Variants in USP32 observed in about 807,000 individuals in gnomAD.
The protein encoded by USP32 is ubiquitin carboxyl-terminal hydrolase 32.
USP32 carries 59 observed loss-of-function variants against 204.8 expected under a neutral mutation model. The observed-to-expected ratio is 0.29, with a 90% confidence interval of 0.23 to 0.36. The LOEUF (loss-of-function observed/expected upper bound fraction) is 0.36. Ranked by LOEUF, USP32 falls within the 10% of genes least tolerant of loss-of-function variation. The probability of loss-of-function intolerance (pLI) is 1.00; values close to 1 mark genes in which losing one functional copy is unlikely to be tolerated. For missense variants in USP32, 1,160 were observed against 1,946.4 expected (o/e 0.60, Z 7.60); for synonymous variants, 517 against 678.4 (o/e 0.76, Z 3.70).
chr17:60,307,077 G>A (rs2087743023), intron 2 of USP32, among the ~76,000 whole-genome samples: 1 of 151,606 alleles, frequency 6.6e-6, no homozygotes, highest in Non-Finnish European at 1.5e-5. Context: ...TTCATGGATT[G>A]GAATAATTAA....
chr17:60,242,435 CAG>C (rs1435525820), intron 11 of USP32, among the ~76,000 whole-genome samples: 7 of 151,830 alleles, frequency 4.6e-5, no homozygotes, highest in Non-Finnish European at 1.0e-4. Context: ...TTTTTTCAGG[CAG>C]AGTCTCACCG....
intron 3 of USP32, among the ~76,000 whole-genome samples, chr17:60,298,836 T>C (rs2087502335): frequency 6.6e-6 from 1 of 152,180 alleles, no homozygotes; most frequent in African/African-American, 2.4e-5. Context: ...CATATACAAA[T>C]GTGTAACTAA....
At chr17:60,326,511 C>G (rs2088243250) in intron 2 of USP32, among the ~76,000 whole-genome samples, 1 of 152,084 alleles carries the variant, frequency 6.6e-6, no homozygotes, top group Non-Finnish European at 1.5e-5. Context: ...GTTGGCCAGG[C>G]TGGTCTTGAA....
chr17:60,374,751 A>G (rs1172614878), intron 1 of USP32, among the ~76,000 whole-genome samples: 1 of 152,224 alleles, frequency 6.6e-6, no homozygotes, highest in Non-Finnish European at 1.5e-5. Context: ...ACTACATAAA[A>G]AAAGCAAAAA....
At chr17:60,196,092 C>A (rs567528302) in intron 27 of USP32, among the ~76,000 whole-genome samples, 1 of 152,150 alleles carries the variant, frequency 6.6e-6, no homozygotes, top group East Asian at 1.9e-4. Context: ...CATGGTGAAA[C>A]CCTGTCTCTA....
chr17:60,224,356 G>A (rs1567781246), intron 13 of USP32, among the ~76,000 whole-genome samples: 1 of 152,198 alleles, frequency 6.6e-6, no homozygotes, highest in Non-Finnish European at 1.5e-5. Context: ...GCACTTCTAG[G>A]ACTGCTAAGT....
At chr17:60,377,933 A>C (rs1309940970) in intron 1 of USP32, among the ~76,000 whole-genome samples, 2 of 152,172 alleles carry the variant, frequency 1.3e-5, no homozygotes, top group Non-Finnish European at 2.9e-5. Flanking sequence ...AAAATTAAAA[A>C]CTTTTGGGCA....
intron 26 of USP32, among the ~76,000 whole-genome samples, chr17:60,201,231 A>C (rs1429909255): frequency 1.3e-5 from 2 of 152,170 alleles, no homozygotes; most frequent in Non-Finnish European, 2.9e-5. Context: ...TATAACTACA[A>C]ATCCATTCAT....
chr17:60,326,393 C>T (rs1286415378), intron 2 of USP32, among the ~76,000 whole-genome samples: 1 of 151,988 alleles, frequency 6.6e-6, no homozygotes, highest in Non-Finnish European at 1.5e-5. Flanking sequence ...TCACTGCAAC[C>T]TCCGCCTCCT....
intron 27 of USP32, among the ~76,000 whole-genome samples, chr17:60,196,546 C>A (rs374976239): frequency 6.6e-6 from 1 of 151,974 alleles, no homozygotes; most frequent in Non-Finnish European, 1.5e-5. Context: ...TTATTTTGGC[C>A]GGGCACGATG....
At chr17:60,416,867 G>GCA (rs1319279653) in intron 1 of USP32, among the ~76,000 whole-genome samples, 10 of 151,188 alleles carry the variant, frequency 6.6e-5, no homozygotes, top group Admixed American at 2.6e-4. Flanking sequence ...ACACACACAT[G>GCA]CACACACACA....
chr17:60,209,207 G>A (rs1364116767), intron 22 of USP32, among the ~76,000 whole-genome samples, 163 bp downstream of exon 22: 1 of 151,980 alleles, frequency 6.6e-6, no homozygotes, highest in Non-Finnish European at 1.5e-5. Context: ...TTTTTGTTTT[G>A]GCATTATTGC....
In USP32 at chr17:60,236,693, T is replaced by G. The variant is rs555951155; in HGVS notation, c.1137-453A>C. Among the ~76,000 whole-genome samples the G allele has an allele frequency of 1.6e-4, 24 of 152,328 alleles. No individual in the cohort carries two copies. In the South Asian group the frequency reaches 4.6e-3, roughly 29 times the overall value. ...CAACACCACAATCAGTTTGAGAACA[T>G]TTAAAACATTTCAATTAATCCAAAA... On this transcript the variant is annotated intron_variant, in intron 11 of 33. Transcript: ENST00000300896.
intron 12 of USP32, among the ~76,000 whole-genome samples, chr17:60,233,649 G>A (rs1386854528): frequency 6.6e-6 from 1 of 152,148 alleles, no homozygotes; most frequent in African/African-American, 2.4e-5. Context: ...ATCTGTCAGT[G>A]TGCAGTTATT....
chr17:60,364,209 T>C (rs1257644601), intron 1 of USP32, among the ~76,000 whole-genome samples: 1 of 152,160 alleles, frequency 6.6e-6, no homozygotes, highest in Non-Finnish European at 1.5e-5. Flanking sequence ...AGAAGGGCAC[T>C]AATCCCATTC....
chr17:60,304,192 T>TA lies in USP32; in HGVS notation c.187-2489dup, dbSNP rs201786399. 1.4e-3 allele frequency among the ~76,000 whole-genome samples: 214 copies of TA among 151,456 alleles called. 1 individual carries two copies. Among genetic ancestry groups the TA allele is most frequent in the African/African-American group, 4.7e-3 (193 of 41,276 alleles). On this transcript the variant is annotated intron_variant, in intron 2 of 33. Transcript: ENST00000300896. Reference sequence around the variant, plus strand: ...AGCCAGAAGAAAAACAAAATTACATTAAAAAAAACCCAAAAATTATAGCTG... The same window carrying TA: ...AGCCAGAAGAAAAACAAAATTACATTAAAAAAAAACCCAAAAATTATAGCTG...
intron 2 of USP32, among the ~76,000 whole-genome samples, chr17:60,311,024 G>A: frequency 6.6e-6 from 1 of 152,192 alleles, no homozygotes; most frequent in Non-Finnish European, 1.5e-5. Context: ...GGGGAATACA[G>A]ATAAGTTGAT....
chr17:60,399,232 C>G (rs185305569), intron 1 of USP32, among the ~76,000 whole-genome samples: 1 of 152,220 alleles, frequency 6.6e-6, no homozygotes, highest in East Asian at 1.9e-4. Flanking sequence ...AGTAAAAGCT[C>G]CTGCTCTCAT....
chr17:60,179,102 A>T lies in USP32; in HGVS notation c.*153T>A. The T allele has an allele frequency of 1.1e-6, 1 of 872,680 alleles. No homozygotes were observed. Among genetic ancestry groups the T allele is most frequent in the Non-Finnish European group, 1.7e-6 (1 of 591,376 alleles). 54.1% of individuals were successfully genotyped at this position (872,680 alleles called of 1,614,324 possible). On this transcript the variant is annotated 3_prime_UTR_variant, in exon 34 of 34. Transcript: ENST00000300896. ...TAAAATGATTACTACTCTTAAAGTT[A>T]ACTATTTTAATTAGAATTTTTATTT... is the stretch of plus-strand genomic sequence containing the variant.
Sources: gnomAD v4.1 joint callset for allele counts (sites outside exome capture counted in the v4.1 genomes callset) on GRCh38, gnomAD v4.1.1 for gene constraint, MANE v1.5 for transcripts, NCBI Gene and HGNC (gene_info 2026-07-23, HGNC 2026-07-21) for gene names.